FGF1: variants seen among roughly 807,000 people sequenced by gnomAD.
FGF1 encodes the protein fibroblast growth factor 1, also known as beta-endothelial cell growth factor.
A neutral mutation model predicts 13.4 loss-of-function variants in FGF1; 9 were observed. That is an observed-to-expected ratio of 0.67 (90% CI 0.40 to 1.17). The LOEUF (loss-of-function observed/expected upper bound fraction) is 1.17. Among genes scored for constraint, FGF1 ranks in the 50% most tolerant of loss-of-function variants. FGF1 has a pLI of 0.01. For synonymous variants in FGF1, 93 were observed against 79.0 expected (o/e 1.18, Z -0.94); for missense variants, 156 against 192.7 (o/e 0.81, Z 1.13).
chr5:142,635,006 G>C (rs1476215766), intron 1 of FGF1, among the ~76,000 whole-genome samples: 3 of 152,108 alleles, frequency 2.0e-5, no homozygotes, highest in Non-Finnish European at 4.4e-5. Flanking sequence ...GTATAATTTG[G>C]AGTACTTCTT....
In FGF1 at chr5:142,686,074, C is replaced by T. The variant is rs1751123932; in HGVS notation, c.-152G>A. ...AGAGTAGCCCGGCTCTCTGAACCTC[C>T]AGGCTACTGCAGCTCTGAGTGGGGA... is the stretch of plus-strand genomic sequence containing the variant. On this transcript the variant is annotated 5_prime_UTR_variant, in exon 1 of 4. Transcript: ENST00000337706. 6.6e-6 allele frequency: 1 copy of T among 152,162 alleles called. No homozygotes were observed. Among genetic ancestry groups the T allele is most frequent in the African/African-American group, 2.4e-5 (1 of 41,434 alleles). The allele number at this position is 152,162 out of a possible 1,614,324, so 9.4% of individuals were successfully genotyped here.
upstream of FGF1, chr5:142,686,241 C>T (rs917429554): frequency 6.6e-6 from 1 of 152,144 alleles, no homozygotes; most frequent in African/African-American, 2.4e-5. Context: ...ATGTCAGCCT[C>T]TAGGTCTATC....
chr5:142,606,448 C>G (rs1463907481), intron 2 of FGF1, among the ~76,000 whole-genome samples: 1 of 149,110 alleles, frequency 6.7e-6, no homozygotes, highest in Non-Finnish European at 1.5e-5. Flanking sequence ...AACCCCGTCT[C>G]TACTAAAAAT....
At chr5:142,599,344 A>C (rs1296928510) in intron 3 of FGF1, among the ~76,000 whole-genome samples, 1 of 152,222 alleles carries the variant, frequency 6.6e-6, no homozygotes, top group Non-Finnish European at 1.5e-5. Flanking sequence ...TAATCTCCTG[A>C]TCCCTAGTGG....
At chr5:142,693,444 A>G (rs1752562583) in intron 2 of FGF1, among the ~76,000 whole-genome samples, 1 of 151,952 alleles carries the variant, frequency 6.6e-6, no homozygotes, top group Admixed American at 6.6e-5. Flanking sequence ...GGCGTGCGCC[A>G]CCACACCCGG....
intron 3 of FGF1, 144 bp downstream of exon 3, chr5:142,600,558 G>T: frequency 1.5e-6 from 1 of 662,502 alleles, no homozygotes. Flanking sequence ...CTAAAATAAA[G>T]CAGAGTGAGG....
rs145072296 is a variant in FGF1 at position 142,654,395 on chromosome 5, C to A, written c.-35+31562G>T. Among the ~76,000 whole-genome samples, 188 of 152,322 alleles carry A rather than the reference C, an allele frequency of 1.2e-3. 2 individuals are homozygous for A. The highest frequency in any genetic ancestry group is 4.3e-3 in the African/African-American group (180 of 41,566). On this transcript the variant is annotated intron_variant, in intron 1 of 3. Transcript: ENST00000337706. Reference sequence around the variant, plus strand: ...TCAATGATTTTAGAGAGAACGTTAGCTTTAAGAAGGCAAGTTCACTTATAA... The same window carrying A: ...TCAATGATTTTAGAGAGAACGTTAGATTTAAGAAGGCAAGTTCACTTATAA...
At chr5:142,614,218 C>T (rs1597124883) in intron 1 of FGF1, 57 bp from the exon 2 acceptor site, 1 of 1,414,482 alleles carries the variant, frequency 7.1e-7, no homozygotes, top group African/African-American at 1.4e-5. Flanking sequence ...ACAAAATGCA[C>T]TTTGAAGAGA....
intron 1 of FGF1, among the ~76,000 whole-genome samples, chr5:142,623,312 A>G (rs565778397): frequency 6.6e-6 from 1 of 151,880 alleles, no homozygotes. Flanking sequence ...GATAGATATT[A>G]GCTTGACTAT....
chr5:142,595,413 C>G lies in FGF1; in HGVS notation c.345G>C (p.Lys115Asn), dbSNP rs1755055314. ...EENHYNTYISKKHAEKNWFVG... is the reference protein window; with the variant it reads ...EENHYNTYISNKHAEKNWFVG... ...CAAACCAATTCTTCTCTGCATGCTT[C>G]TTGGATATATAGGTGTTGTAATGGT... is the stretch of plus-strand genomic sequence containing the variant. The change falls in exon 4 of 4, where the codon AAG becomes AAC. Residue 115 changes from lysine (K) to asparagine (N), a missense_variant. Physicochemically the swap from Lys to Asn is moderately conservative, Grantham distance 94 (BLOSUM62 0). Coordinates refer to ENST00000337706, the MANE Select transcript of FGF1 (RefSeq NM_000800.5). 1.2e-6 allele frequency: 2 copies of G among 1,613,892 alleles called. No homozygotes were observed. The highest frequency in any genetic ancestry group is 1.3e-5 in the African/African-American group (1 of 74,882).
intron 1 of FGF1, among the ~76,000 whole-genome samples, chr5:142,660,427 C>G (rs770132185): frequency 6.6e-6 from 1 of 152,232 alleles, no homozygotes; most frequent in African/African-American, 2.4e-5. Flanking sequence ...GGGCCCAGGG[C>G]GGCTCCTTGG....
intron 2 of FGF1, among the ~76,000 whole-genome samples, chr5:142,692,677 GCACACACGCA>G (rs1752413449): frequency 6.8e-6 from 1 of 146,732 alleles, no homozygotes; most frequent in Admixed American, 6.8e-5. Flanking sequence ...ACACACACAC[GCACACACGCA>G]CACACACACA....
At chr5:142,599,435 C>T (rs960365259) in intron 3 of FGF1, among the ~76,000 whole-genome samples, 5 of 152,180 alleles carry the variant, frequency 3.3e-5, no homozygotes, top group African/African-American at 1.2e-4. Context: ...TCTGTGCCCT[C>T]TGTCACTTGG....
At chr5:142,688,084 A>AAC (rs1160012461), upstream of FGF1, among the ~76,000 whole-genome samples, 3 of 152,278 alleles carry the variant, frequency 2.0e-5, no homozygotes, top group East Asian at 3.9e-4. Flanking sequence ...ACCCTGTTTA[A>AAC]ACACACACAC....
chr5:142,689,092 C>T (rs1751722540), upstream of FGF1, among the ~76,000 whole-genome samples: 1 of 152,172 alleles, frequency 6.6e-6, no homozygotes. Flanking sequence ...GCCCTGGTGT[C>T]TTGTCCTTGA....
In FGF1 at chr5:142,619,635, A is replaced by G. The variant is rs565857298; in HGVS notation, c.-34-5474T>C. Among the ~76,000 whole-genome samples the G allele has an allele frequency of 3.9e-5, 6 of 152,312 alleles. No homozygotes were observed. In the East Asian group the frequency reaches 5.8e-4, roughly 15 times the overall value. On this transcript the variant is annotated intron_variant, in intron 1 of 3. Coordinates refer to ENST00000337706, the MANE Select transcript of FGF1 (RefSeq NM_000800.5). ...AAATAAAACTGTGCTTATCTTCGTG[A>G]CCAGCCTGACGAACATGGAGAAACC...
chr5:142,622,743 A>G (rs1040340236), intron 1 of FGF1, among the ~76,000 whole-genome samples: 7 of 152,218 alleles, frequency 4.6e-5, no homozygotes, highest in African/African-American at 1.2e-4. Flanking sequence ...TGCCGAAGAA[A>G]GGGAGGCAGT....
intron 1 of FGF1, among the ~76,000 whole-genome samples, chr5:142,651,955 G>A (rs1767343127): frequency 6.6e-6 from 1 of 151,824 alleles, no homozygotes; most frequent in South Asian, 2.1e-4. Flanking sequence ...TTGTAATAAC[G>A]ATAAACATGA....
At chr5:142,686,174 T>A (rs1751146790), upstream of FGF1, 1 of 150,052 alleles carries the variant, frequency 6.7e-6, no homozygotes, top group African/African-American at 2.5e-5. Context: ...TGGCTACCCG[T>A]CCCTAGGGCT....
Sources: allele counts gnomAD v4.1 joint callset (sites outside exome capture counted in the v4.1 genomes callset), GRCh38; gene constraint gnomAD v4.1.1; transcripts MANE v1.5; gene names NCBI Gene and HGNC (gene_info 2026-07-23, HGNC 2026-07-21).